Variants in EYS observed in about 807,000 individuals in gnomAD.
EYS encodes the protein EGF-like photoreceptor maintenance factor, also known as protein eyes shut homolog.
EYS carries 250 observed loss-of-function variants against 282.1 expected under a neutral mutation model. That is an observed-to-expected ratio of 0.89 (90% CI 0.80 to 0.98). EYS has a LOEUF of 0.98. Ranked by LOEUF, EYS falls within the 50% of genes least tolerant of loss-of-function variation. The probability of loss-of-function intolerance (pLI) is 0.00; values close to 1 mark genes in which losing one functional copy is unlikely to be tolerated. For synonymous variants in EYS, 1,355 were observed against 1,282.9 expected (o/e 1.06, Z -1.20); for missense variants, 4,016 against 3,709.0 (o/e 1.08, Z -2.15).
rs145574824 is a variant in EYS at position 64,566,362 on chromosome 6, A to C, written c.5644+23861T>G. 4.2e-3 allele frequency among the ~76,000 whole-genome samples: 643 copies of C among 152,330 alleles called. 15 individuals carry two copies. The highest frequency in any genetic ancestry group is 0.032 in the Admixed American group (484 of 15,292). On this transcript the variant is annotated intron_variant, in intron 26 of 42. Coordinates refer to ENST00000503581, the MANE Select transcript of EYS (RefSeq NM_001142800.2). ...GGTGCATGATTCTGAGAAAGTTTACAAACAGTGCCTCTGCTGGTAAAAATT... is the reference window on the plus strand; with the variant it reads ...GGTGCATGATTCTGAGAAAGTTTACCAACAGTGCCTCTGCTGGTAAAAATT...
chr6:65,614,632 A>C (rs939114835), intron 2 of EYS, among the ~76,000 whole-genome samples: 3 of 152,128 alleles, frequency 2.0e-5, no homozygotes, highest in African/African-American at 7.2e-5. Context: ...AAATGGATCT[A>C]CATAGGTTTA....
At chr6:64,017,554 A>C (rs906222467) in intron 33 of EYS, among the ~76,000 whole-genome samples, 2 of 152,160 alleles carry the variant, frequency 1.3e-5, no homozygotes, top group Non-Finnish European at 2.9e-5. Context: ...TAAGTACAGT[A>C]CCTGATGCAT....
chr6:65,644,150 C>T (rs1767375781), intron 1 of EYS, among the ~76,000 whole-genome samples: 1 of 151,934 alleles, frequency 6.6e-6, no homozygotes, highest in African/African-American at 2.4e-5. Flanking sequence ...AAAGTGAAAT[C>T]CAACTTGAAA....
chr6:64,387,012 C>A (rs1007641484), intron 29 of EYS, among the ~76,000 whole-genome samples: 3 of 151,994 alleles, frequency 2.0e-5, no homozygotes, highest in African/African-American at 7.3e-5. Context: ...TAAATATATA[C>A]CATTTTGCAT....
intron 36 of EYS, among the ~76,000 whole-genome samples, chr6:63,848,726 G>A (rs965388919): frequency 6.6e-6 from 1 of 152,060 alleles, no homozygotes; most frequent in African/African-American, 2.4e-5. Context: ...CATCACCAGG[G>A]CCCTGGGTTC....
intron 29 of EYS, among the ~76,000 whole-genome samples, chr6:64,325,797 C>G (rs1397460811): frequency 6.6e-6 from 1 of 151,796 alleles, no homozygotes; most frequent in African/African-American, 2.4e-5. Context: ...TATAATTGAA[C>G]AAGTAGAATA....
intron 31 of EYS, among the ~76,000 whole-genome samples, chr6:64,149,148 A>G (rs1333339126): frequency 6.6e-6 from 1 of 152,148 alleles, no homozygotes; most frequent in Admixed American, 6.6e-5. Context: ...TTTTGCAGAA[A>G]TCATAACTGG....
chr6:64,566,188 G>C (rs1299242889), intron 26 of EYS, among the ~76,000 whole-genome samples: 1 of 152,094 alleles, frequency 6.6e-6, no homozygotes, highest in Non-Finnish European at 1.5e-5. Context: ...TGAGATAGTG[G>C]TTTAGTTTAC....
intron 1 of EYS, among the ~76,000 whole-genome samples, chr6:65,677,525 A>T (rs1470288405): frequency 6.6e-6 from 1 of 152,012 alleles, no homozygotes; most frequent in East Asian, 1.9e-4. Flanking sequence ...GGAATAAATG[A>T]CTATAAAACA....
intron 22 of EYS, among the ~76,000 whole-genome samples, chr6:64,685,507 T>C (rs1315173448): frequency 6.6e-6 from 1 of 152,086 alleles, no homozygotes; most frequent in Non-Finnish European, 1.5e-5. Flanking sequence ...TCCAACTCTG[T>C]AGTTTCCAGG....
At chr6:64,217,881 A>G (rs1765981184) in intron 31 of EYS, among the ~76,000 whole-genome samples, 1 of 152,158 alleles carries the variant, frequency 6.6e-6, no homozygotes, top group African/African-American at 2.4e-5. Flanking sequence ...CCCCACCACA[A>G]ACCAAGTGAG....
intron 31 of EYS, among the ~76,000 whole-genome samples, chr6:64,154,861 C>T (rs113862286): frequency 0.06 from 9,174 of 152,074 alleles, 908 homozygotes; most frequent in African/African-American, 0.21. Context: ...TAAAATAATA[C>T]TCTACCCATG....
chr6:64,425,591 T>C (rs955860845), intron 28 of EYS, among the ~76,000 whole-genome samples: 1 of 148,174 alleles, frequency 6.7e-6, no homozygotes, highest in Admixed American at 6.9e-5. Context: ...GAGTCGGAAG[T>C]TGCAGTCAGC....
At chr6:63,906,243 T>A (rs965035004) in intron 35 of EYS, among the ~76,000 whole-genome samples, 6 of 152,234 alleles carry the variant, frequency 3.9e-5, no homozygotes, top group African/African-American at 1.4e-4. Flanking sequence ...GTAATTCACT[T>A]AGCATTTCAT....
At chr6:64,725,637 G>A (rs1419657674) in intron 22 of EYS, among the ~76,000 whole-genome samples, 1 of 151,880 alleles carries the variant, frequency 6.6e-6, no homozygotes, top group Non-Finnish European at 1.5e-5. Context: ...AGTGTCCTCT[G>A]ACTTACTCCT....
chr6:64,190,797 T>C (rs1765079911), intron 31 of EYS, among the ~76,000 whole-genome samples: 1 of 152,270 alleles, frequency 6.6e-6, no homozygotes, highest in African/African-American at 2.4e-5. Flanking sequence ...GAGAAGAATC[T>C]TACCTTCATG....
intron 12 of EYS, among the ~76,000 whole-genome samples, chr6:65,078,188 A>G (rs1407797417): frequency 6.6e-6 from 1 of 152,070 alleles, no homozygotes; most frequent in Non-Finnish European, 1.5e-5. Context: ...AGTCTCACAT[A>G]TTTATATGCC....
chr6:63,965,835 T>C (rs1016955218), intron 35 of EYS, among the ~76,000 whole-genome samples: 1 of 152,192 alleles, frequency 6.6e-6, no homozygotes, highest in African/African-American at 2.4e-5. Flanking sequence ...AAACACAGCC[T>C]GTAATAGTAA....
rs1195339015 is a variant in EYS at position 65,673,286 on chromosome 6, C to T, written c.-447-33394G>A. Among the ~76,000 whole-genome samples the T allele has an allele frequency of 7.2e-5, 11 of 151,900 alleles. No individual in the cohort carries two copies. The South Asian group carries it at 1.0e-3, about 14-fold the overall frequency. ...GCTGCTGTCAGTGGGATTGGGGCAG[C>T]GTGGGAACGTAGAGTGGGAGAGATT... On this transcript the variant is annotated intron_variant, in intron 1 of 42. Transcript: ENST00000503581.
Sources: allele counts gnomAD v4.1 joint callset (sites outside exome capture counted in the v4.1 genomes callset), GRCh38; gene constraint gnomAD v4.1.1; transcripts MANE v1.5; gene names NCBI Gene and HGNC (gene_info 2026-07-23, HGNC 2026-07-21).